Variants in OOSP2 observed in about 807,000 individuals in gnomAD.
OOSP2 encodes oocyte-secreted protein 2.
A neutral mutation model predicts 13.4 loss-of-function variants in OOSP2; 7 were observed. The ratio of observed to expected loss-of-function variants is 0.52; its 90% CI spans 0.30 to 0.98. The LOEUF (loss-of-function observed/expected upper bound fraction) is 0.98, where lower values mean the gene tolerates loss of function less well. Among genes scored for constraint, OOSP2 ranks in the 50% least tolerant of loss-of-function variants. OOSP2 has a pLI of 0.07. For missense variants in OOSP2, 184 were observed against 188.5 expected, an observed-to-expected ratio of 0.98 and a Z score of 0.14; for synonymous variants, 75 against 67.2, an observed-to-expected ratio of 1.12 and a Z score of -0.57.
At chr11:60,041,790 G>T (rs1854930679) in intron 1 of OOSP2, among the ~76,000 whole-genome samples, 1 of 142,892 alleles carries the variant, frequency 7.0e-6, no homozygotes, top group African/African-American at 2.6e-5. Context: ...GGCGGAGCTT[G>T]CAGTGAGCTG....
intron 1 of OOSP2, among the ~76,000 whole-genome samples, chr11:60,041,167 G>T (rs1339659274): frequency 6.6e-6 from 1 of 152,044 alleles, no homozygotes; most frequent in South Asian, 2.1e-4. Context: ...TGTTCTTTAT[G>T]GTTTCTTTTT....
At chr11:60,046,769 A>G (rs1026653070) in intron 3 of OOSP2, 175 bp from the exon 4 acceptor site, 13 of 737,234 alleles carry the variant, frequency 1.8e-5, no homozygotes, top group Admixed American at 1.6e-4. Context: ...CTGTAAGCCT[A>G]TCTGCTCAAA....
intron 3 of OOSP2, 184 bp from the exon 4 acceptor site, chr11:60,046,760 T>C: frequency 1.4e-6 from 1 of 719,266 alleles, no homozygotes; most frequent in South Asian, 1.4e-5. Flanking sequence ...TTAGTTCTTC[T>C]GTAAGCCTAT....
At chr11:60,044,356 G>A (rs1052591232) in intron 2 of OOSP2, among the ~76,000 whole-genome samples, 5 of 152,124 alleles carry the variant, frequency 3.3e-5, no homozygotes, top group African/African-American at 1.2e-4. Flanking sequence ...ACCACTCTCC[G>A]TTATTTGACT....
At chr11:60,046,849 C>T in intron 3 of OOSP2, 95 bp from the exon 4 acceptor site, 1 of 997,632 alleles carries the variant, frequency 1.0e-6, no homozygotes, top group South Asian at 1.3e-5. Flanking sequence ...TCCTGAATGA[C>T]TATTCTGTAT....
chr11:60,042,890 G>T (rs891618274), intron 1 of OOSP2, among the ~76,000 whole-genome samples: 1 of 151,774 alleles, frequency 6.6e-6, no homozygotes, highest in African/African-American at 2.4e-5. Context: ...ATACGGTTAT[G>T]GTTTTTCATT....
Position 60,047,105 on chromosome 11 carries a change from G to A in OOSP2, c.*32G>A. The A allele has an allele frequency of 1.3e-6, 2 of 1,566,570 alleles. No homozygotes were observed. The highest frequency in any genetic ancestry group is 1.4e-5 in the African/African-American group (1 of 72,820). On this transcript the variant is annotated 3_prime_UTR_variant, in exon 4 of 4. Coordinates refer to ENST00000278855, the MANE Select transcript of OOSP2 (RefSeq NM_173801.5). ...GGAGAAATGGAAACTTGAAGCTGGTGTTATGTATTTTGCAGGAAAACAGTT... is the reference window on the plus strand; with the variant it reads ...GGAGAAATGGAAACTTGAAGCTGGTATTATGTATTTTGCAGGAAAACAGTT...
At chr11:60,046,644 G>T (rs567254932) in intron 3 of OOSP2, 49 of 501,894 alleles carry the variant, frequency 9.8e-5, no homozygotes, top group African/African-American at 9.2e-4. Flanking sequence ...AGTCTGTTTT[G>T]CTGGGTACAT....
In OOSP2 at chr11:60,043,379, A is replaced by ATTTATCACAGAGG. The variant is rs1159979725; in HGVS notation, c.65-89_65-77dup. 2.3e-5 allele frequency: 16 copies of ATTTATCACAGAGG among 699,858 alleles called. 1 individual carries two copies. In the East Asian group the frequency reaches 4.1e-4, roughly 18 times the overall value. 43.4% of individuals were successfully genotyped at this position (699,858 alleles called of 1,614,324 possible). A position where few individuals can be genotyped will look rare whatever the true frequency, so the allele number is the denominator to read the frequency against. On this transcript the variant is annotated intron_variant, in intron 1 of 3. Coordinates refer to ENST00000278855, the MANE Select transcript of OOSP2 (RefSeq NM_173801.5). ...CTTGCCAGAGAAATAAATGCCTTTT[A>ATTTATCACAGAGG]TTTATCACAGAGGGCAGAGTTGACT...
intron 3 of OOSP2, 24 bp from the exon 4 acceptor site, chr11:60,046,920 G>A (rs202100334): frequency 3.7e-6 from 6 of 1,602,770 alleles, no homozygotes; most frequent in Non-Finnish European, 5.1e-6. Flanking sequence ...AACACTATCT[G>A]CTTTCTGTTT....
chr11:60,041,829 T>TGCACTCCA (rs1854931889), intron 1 of OOSP2, among the ~76,000 whole-genome samples: 1 of 114,386 alleles, frequency 8.7e-6, no homozygotes, highest in Non-Finnish European at 1.6e-5. Flanking sequence ...CCAGCCTGGG[T>TGCACTCCA]GACAGAGCGA....
rs1216504883 is a variant in OOSP2 at position 60,043,420 on chromosome 11, T to C, written c.65-49T>C. On this transcript the variant is annotated intron_variant, in intron 1 of 3. Transcript: ENST00000278855. ...AGAGTTGACTATTCTTTGAACACTT[T>C]CTTAAGATAGACACCCTTCTGATGC... 2.3e-6 allele frequency: 3 copies of C among 1,284,888 alleles called. No homozygotes were observed. The South Asian group carries it at 4.0e-5, about 17-fold the overall frequency. 79.6% of individuals were successfully genotyped at this position (1,284,888 alleles called of 1,614,324 possible).
rs756459055 is a variant in OOSP2 at position 60,044,707 on chromosome 11, C to G, written c.280C>G (p.Leu94Val). ...GGAAACTCTCCTTTTTCAAACCGAG[C>G]TGTACTTTACCCCAAGGAATATAGA... ...SEETLLFQTE[L>V]YFTPRNIDHD... Residue 94 changes from leucine to valine, a missense_variant, in exon 3 of 4, where the codon CTG becomes GTG. Transcript: ENST00000278855. 14 of 1,602,164 alleles carry G rather than the reference C, an allele frequency of 8.7e-6. No homozygotes were observed. The South Asian group carries it at 1.4e-4, about 16-fold the overall frequency.
chr11:60,043,426 G>C (rs988452792), intron 1 of OOSP2, 43 bp from the exon 2 acceptor site: 2 of 1,362,924 alleles, frequency 1.5e-6, no homozygotes, highest in African/African-American at 2.9e-5. Context: ...ACTTTCTTAA[G>C]ATAGACACCC....
intron 1 of OOSP2, among the ~76,000 whole-genome samples, chr11:60,041,581 C>T (rs566180640): frequency 6.8e-4 from 104 of 152,126 alleles, no homozygotes; most frequent in Non-Finnish European, 1.3e-3. Flanking sequence ...GGCACGGTGG[C>T]TGATACCTGT....
At position 60,041,850 on chromosome 11, in the gene OOSP2, C is replaced by CAAAAAAAAAAAA. The variant is rs571172974; in HGVS notation, c.64+1336_64+1347dup. On this transcript the variant is annotated intron_variant, in intron 1 of 3. Coordinates refer to ENST00000278855, the MANE Select transcript of OOSP2 (RefSeq NM_173801.5). ...TGGGTGACAGAGCGAGACTCTGTCT[C>CAAAAAAAAAAAA]AAAAAAAAAAAAAAAAAAAAGCAAA... is the stretch of plus-strand genomic sequence containing the variant. Among the ~76,000 whole-genome samples the CAAAAAAAAAAAA allele has an allele frequency of 6.0e-4, 22 of 36,430 alleles. 1 individual carries two copies. The highest frequency in any genetic ancestry group is 1.4e-3 in the African/African-American group (12 of 8,588). The allele number at this position is 36,430 out of a possible 152,430, so 23.9% of individuals were successfully genotyped here.
Position 60,040,528 on chromosome 11 carries a change from A to G in OOSP2, c.64+5A>G. 1 of 1,534,092 alleles carries G rather than the reference A, an allele frequency of 6.5e-7. No homozygotes were observed. The highest frequency in any genetic ancestry group is 1.4e-5 in the African/African-American group (1 of 73,584). ...CCGGTGCTGAGAACCTCCATGGTAA[A>G]TAACAAGTTTTAGAGAATGCTTCCT... On this transcript the variant is annotated splice_donor_5th_base_variant and intron_variant, in intron 1 of 3. Transcript: ENST00000278855.
At chr11:60,046,062 C>T (rs61903629) in intron 3 of OOSP2, among the ~76,000 whole-genome samples, 1 of 141,008 alleles carries the variant, frequency 7.1e-6, no homozygotes, top group East Asian at 2.4e-4. Context: ...CTGTCTTTGT[C>T]TGTCTCTCTC....
chr11:60,042,119 A>AAAAC (rs762166192), intron 1 of OOSP2, among the ~76,000 whole-genome samples: 2 of 152,178 alleles, frequency 1.3e-5, no homozygotes, highest in East Asian at 3.9e-4. Flanking sequence ...ACTCCGTCTC[A>AAAAC]AAACAAACAA....
Sources: allele counts gnomAD v4.1 joint callset (sites outside exome capture counted in the v4.1 genomes callset), GRCh38; gene constraint gnomAD v4.1.1; transcripts MANE v1.5; gene names NCBI Gene and HGNC (gene_info 2026-07-23, HGNC 2026-07-21).